Variants in ROBO2 observed in about 807,000 individuals in gnomAD.
The protein encoded by ROBO2 is roundabout homolog 2.
A neutral mutation model predicts 160.8 loss-of-function variants in ROBO2; 53 were observed. The ratio of observed to expected loss-of-function variants is 0.33; its 90% CI spans 0.26 to 0.41. The LOEUF (loss-of-function observed/expected upper bound fraction) is 0.41, where lower values mean the gene tolerates loss of function less well. Ranked by LOEUF, ROBO2 falls within the 10% of genes least tolerant of loss-of-function variation. ROBO2 has a pLI of 1.00. For synonymous variants in ROBO2, 664 were observed against 611.7 expected (o/e 1.09, Z -1.26); for missense variants, 1,577 against 1,722.4 (o/e 0.92, Z 1.49).
intron 2 of ROBO2, among the ~76,000 whole-genome samples, chr3:77,279,529 C>A (rs749452491): frequency 1.2e-4 from 18 of 152,018 alleles, no homozygotes; most frequent in Non-Finnish European, 2.5e-4. Flanking sequence ...TTTTAACATG[C>A]AAATATTTTA....
At chr3:76,063,266 G>A (rs1181739984) in intron 2 of ROBO2, among the ~76,000 whole-genome samples, 4 of 151,798 alleles carry the variant, frequency 2.6e-5, no homozygotes, top group Non-Finnish European at 5.9e-5. Flanking sequence ...ACTGGGCGAA[G>A]TCTAAAAATA....
At chr3:77,444,225 G>A (rs951828175) in intron 2 of ROBO2, among the ~76,000 whole-genome samples, 15 of 152,072 alleles carry the variant, frequency 9.9e-5, no homozygotes, top group African/African-American at 3.4e-4. Flanking sequence ...GTAGGTTCAC[G>A]TCTTTATGTA....
At chr3:77,482,312 G>A (rs1280934686) in intron 4 of ROBO2, among the ~76,000 whole-genome samples, 1 of 152,150 alleles carries the variant, frequency 6.6e-6, no homozygotes, top group Non-Finnish European at 1.5e-5. Context: ...TGGCACCAAA[G>A]CCCTGCATAG....
intron 2 of ROBO2, among the ~76,000 whole-genome samples, chr3:76,304,217 G>A (rs1208358070): frequency 2.6e-5 from 4 of 152,286 alleles, no homozygotes; most frequent in South Asian, 4.1e-4. Flanking sequence ...TTCTCTTGTT[G>A]TGGAATGATT....
At chr3:76,463,162 C>T (rs191526506) in intron 2 of ROBO2, among the ~76,000 whole-genome samples, 169 of 152,214 alleles carry the variant, frequency 1.1e-3, no homozygotes, top group African/African-American at 3.9e-3. Flanking sequence ...CTCAATGGCA[C>T]AGGCAGGATC....
intron 2 of ROBO2, among the ~76,000 whole-genome samples, chr3:76,555,410 A>AGAC (rs1560141319): frequency 4.0e-5 from 3 of 74,090 alleles, no homozygotes; most frequent in Non-Finnish European, 1.2e-4. Flanking sequence ...AAGAAGAAGA[A>AGAC]GAAGAAGAAA....
chr3:77,544,326 C>T (rs1302808704), intron 6 of ROBO2, among the ~76,000 whole-genome samples: 1 of 152,018 alleles, frequency 6.6e-6, no homozygotes, highest in African/African-American at 2.4e-5. Flanking sequence ...AACTAATCTC[C>T]TGAAAATACA....
intron 2 of ROBO2, among the ~76,000 whole-genome samples, chr3:77,377,222 A>G (rs1166549196): frequency 6.6e-6 from 1 of 152,218 alleles, no homozygotes; most frequent in Non-Finnish European, 1.5e-5. Flanking sequence ...AATAAAATTC[A>G]AAATTCAAAT....
intron 2 of ROBO2, among the ~76,000 whole-genome samples, chr3:76,393,422 A>G (rs544633629): frequency 6.6e-6 from 1 of 152,322 alleles, no homozygotes; most frequent in South Asian, 2.1e-4. Flanking sequence ...GGAGCATATG[A>G]TACTAAATTA....
At chr3:76,844,422 G>A (rs2068588316) in intron 2 of ROBO2, among the ~76,000 whole-genome samples, 1 of 151,908 alleles carries the variant, frequency 6.6e-6, no homozygotes, top group African/African-American at 2.4e-5. Context: ...TTCATCAGGA[G>A]AAATGGTTTC....
At chr3:77,072,049 C>G (rs879694359) in intron 1 of ROBO2, among the ~76,000 whole-genome samples, 4 of 152,134 alleles carry the variant, frequency 2.6e-5, no homozygotes, top group Non-Finnish European at 5.9e-5. Context: ...GCCTCTCCCC[C>G]TCGTTCGCAT....
chr3:76,730,286 G>C (rs9820199), intron 2 of ROBO2, among the ~76,000 whole-genome samples: 901 of 21,804 alleles, frequency 0.041, 11 homozygotes, highest in African/African-American at 0.089. Flanking sequence ...CTACCCGCTT[G>C]TCCTCACCTC....
rs73841623 is a variant in ROBO2, at chr3:76,788,740, T to A, written c.110-309274T>A. Among the ~76,000 whole-genome samples, 358 of 151,702 alleles carry A rather than the reference T, an allele frequency of 2.4e-3. 2 individuals carry two copies. The highest frequency in any genetic ancestry group is 8.0e-3 in the African/African-American group (332 of 41,472). On this transcript the variant is annotated intron_variant, in intron 2 of 26. Coordinates refer to the ROBO2 transcript ENST00000487694. Reference sequence around the variant, plus strand: ...TCTGAACCTCTTAAGGAGAAGAATATCTATTATTGTGGCTTCAAAGATGTC... The same window carrying A: ...TCTGAACCTCTTAAGGAGAAGAATAACTATTATTGTGGCTTCAAAGATGTC...
At chr3:76,215,924 C>T (rs1703490997) in intron 2 of ROBO2, among the ~76,000 whole-genome samples, 1 of 152,156 alleles carries the variant, frequency 6.6e-6, no homozygotes, top group Admixed American at 6.5e-5. Context: ...GGTCAGGTAA[C>T]CCACAAAGGG....
At chr3:76,077,932 A>G (rs1321987229) in intron 2 of ROBO2, among the ~76,000 whole-genome samples, 1 of 152,196 alleles carries the variant, frequency 6.6e-6, no homozygotes, top group Non-Finnish European at 1.5e-5. Flanking sequence ...TGCCACCAAA[A>G]TAAAACAGAA....
At chr3:77,259,839 C>A (rs1477593335) in intron 2 of ROBO2, among the ~76,000 whole-genome samples, 1 of 152,214 alleles carries the variant, frequency 6.6e-6, no homozygotes, top group Non-Finnish European at 1.5e-5. Flanking sequence ...ATATTTATTG[C>A]CACATATGGG....
chr3:77,106,980 G>A (rs920851116), intron 2 of ROBO2, among the ~76,000 whole-genome samples: 12 of 152,180 alleles, frequency 7.9e-5, no homozygotes, highest in African/African-American at 2.7e-4. Context: ...AACTCTGGAT[G>A]TCTTAGTCTG....
intron 2 of ROBO2, among the ~76,000 whole-genome samples, chr3:76,044,006 T>G (rs1425438985): frequency 1.3e-5 from 2 of 152,082 alleles, no homozygotes; most frequent in Admixed American, 1.3e-4. Context: ...ACAAATACTT[T>G]TAATACCCTT....
intron 2 of ROBO2, among the ~76,000 whole-genome samples, chr3:76,422,642 A>T (rs1286879517): frequency 6.6e-6 from 1 of 152,194 alleles, no homozygotes; most frequent in African/African-American, 2.4e-5. Flanking sequence ...TTCATGCATT[A>T]ATCTGGGCAT....
Sources: allele counts gnomAD v4.1 joint callset (sites outside exome capture counted in the v4.1 genomes callset), GRCh38; gene constraint gnomAD v4.1.1; transcripts MANE v1.5; gene names NCBI Gene and HGNC (gene_info 2026-07-23, HGNC 2026-07-21).